Variants in ARMC2 observed in about 807,000 individuals in gnomAD.
ARMC2 encodes the protein armadillo repeat-containing protein 2.
In ARMC2, 67 loss-of-function variants were observed where a neutral mutation model predicts 90.3. The ratio of observed to expected loss-of-function variants is 0.74; its 90% CI spans 0.61 to 0.91. The LOEUF (loss-of-function observed/expected upper bound fraction) is 0.91. ARMC2 is among the 40% of genes least tolerant of loss of function. The probability of loss-of-function intolerance (pLI) is 0.00; values close to 1 mark genes in which losing one functional copy is unlikely to be tolerated. For synonymous variants in ARMC2, 393 were observed against 393.0 expected, an observed-to-expected ratio of 1.00 and a Z score of 0.00; for missense variants, 920 against 1,030.9, an observed-to-expected ratio of 0.89 and a Z score of 1.47.
the ARMC2 span, among the ~76,000 whole-genome samples, chr6:109,022,057 T>G: frequency 1.3e-5 from 2 of 152,138 alleles, no homozygotes; most frequent in East Asian, 1.9e-4. Flanking sequence ...GCATTTTTTT[T>G]TTTCCTTCCC....
At chr6:109,008,213 AG>A in the ARMC2 span, among the ~76,000 whole-genome samples, 1 of 152,230 alleles carries the variant, frequency 6.6e-6, no homozygotes, top group Non-Finnish European at 1.5e-5. Context: ...CACAAACATC[AG>A]CAGAAATAAC....
chr6:108,947,326 A>G (rs1321709887), intron 12 of ARMC2, among the ~76,000 whole-genome samples: 2 of 152,230 alleles, frequency 1.3e-5, no homozygotes, highest in Non-Finnish European at 2.9e-5. Context: ...CTGTGTGTAC[A>G]GAGATGATTG....
At chr6:109,044,311 C>CCAAAAAA in the ARMC2 span, among the ~76,000 whole-genome samples, 1 of 28,472 alleles carries the variant, frequency 3.5e-5, no homozygotes, top group African/African-American at 2.0e-4. Flanking sequence ...GAACTTGCCT[C>CCAAAAAA]AAAAAAAAAA....
At chr6:109,026,647 G>T in the ARMC2 span, among the ~76,000 whole-genome samples, 6 of 152,168 alleles carry the variant, frequency 3.9e-5, 1 homozygote, top group South Asian at 1.2e-3. Flanking sequence ...TAGGACTACA[G>T]GCGTGCGCCA....
chr6:108,970,503 T>TC (rs1333223775), intron 17 of ARMC2, among the ~76,000 whole-genome samples: 1 of 144,740 alleles, frequency 6.9e-6, no homozygotes, highest in Non-Finnish European at 1.5e-5. Flanking sequence ...TCTTTTTTTT[T>TC]TTTTTTTTTT....
At chr6:108,857,415 T>C (rs1306538486) in intron 2 of ARMC2, among the ~76,000 whole-genome samples, 1 of 152,252 alleles carries the variant, frequency 6.6e-6, no homozygotes, top group East Asian at 1.9e-4. Context: ...GAGCTTTTTG[T>C]CAGCTCTTTA....
the ARMC2 span, among the ~76,000 whole-genome samples, chr6:109,048,848 A>G: frequency 1.3e-5 from 2 of 152,200 alleles, no homozygotes; most frequent in African/African-American, 2.4e-5. Context: ...GGATATGGCC[A>G]TATATCACAG....
At chr6:108,849,532 TAAAA>T (rs962738344) in intron 1 of ARMC2, among the ~76,000 whole-genome samples, 3 of 151,752 alleles carry the variant, frequency 2.0e-5, no homozygotes, top group African/African-American at 7.3e-5. Context: ...AGTATAATAA[TAAAA>T]AAAAACTTAT....
intron 4 of ARMC2, among the ~76,000 whole-genome samples, chr6:108,873,616 C>G (rs1411781350): frequency 6.6e-6 from 1 of 152,240 alleles, no homozygotes; most frequent in Non-Finnish European, 1.5e-5. Context: ...ATAGCCACAG[C>G]AGAGCCTTAA....
chr6:108,865,843 C>T (rs1328042571), intron 3 of ARMC2, among the ~76,000 whole-genome samples: 1 of 151,910 alleles, frequency 6.6e-6, no homozygotes, highest in Non-Finnish European at 1.5e-5. Flanking sequence ...CATAGGGAGA[C>T]CCTGTCTCTA....
At chr6:108,927,726 G>T (rs1217700614) in intron 10 of ARMC2, among the ~76,000 whole-genome samples, 1 of 150,328 alleles carries the variant, frequency 6.7e-6, no homozygotes, top group Non-Finnish European at 1.5e-5. Flanking sequence ...AAAAAAGAAA[G>T]AAAAACATAG....
the ARMC2 span, among the ~76,000 whole-genome samples, chr6:109,041,343 T>A: frequency 6.6e-6 from 1 of 151,798 alleles, no homozygotes; most frequent in Non-Finnish European, 1.5e-5. Flanking sequence ...AAAATAAAAT[T>A]GCAACATAAA....
intron 1 of ARMC2, among the ~76,000 whole-genome samples, chr6:108,851,452 G>A (rs1774004152): frequency 6.6e-6 from 1 of 152,108 alleles, no homozygotes; most frequent in South Asian, 2.1e-4. Context: ...TATAAGCAGG[G>A]TAAATACTCA....
chr6:108,962,980 C>G (rs1042909281), intron 15 of ARMC2, among the ~76,000 whole-genome samples: 2 of 151,848 alleles, frequency 1.3e-5, no homozygotes, highest in East Asian at 1.9e-4. Flanking sequence ...GGCTGGGAGA[C>G]AGAGCGACAC....
chr6:108,980,413 T>C, the ARMC2 span, among the ~76,000 whole-genome samples: 1 of 151,460 alleles, frequency 6.6e-6, no homozygotes, highest in Non-Finnish European at 1.5e-5. Flanking sequence ...CTCTCCCGTA[T>C]GAAGTATCTG....
chr6:108,990,751 T>C, the ARMC2 span: 3 of 1,614,138 alleles, frequency 1.9e-6, no homozygotes, highest in South Asian at 3.3e-5. Flanking sequence ...TTGTAAGCAA[T>C]GTGAAATTTT....
intron 2 of ARMC2, among the ~76,000 whole-genome samples, chr6:108,855,986 C>G (rs779926442): frequency 6.6e-6 from 1 of 152,180 alleles, no homozygotes; most frequent in Non-Finnish European, 1.5e-5. Context: ...CAAATGTTGT[C>G]TCCTGCTCTG....
At position 108,913,531 on chromosome 6, in the gene ARMC2, T is replaced by G. The variant is rs115940575; in HGVS notation, c.1350+973T>G. On this transcript the variant is annotated intron_variant, in intron 10 of 17. Transcript: ENST00000392644. ...TTTCCATGCTCCCAGTGTTATCGAA[T>G]CATTTAATTTTTTCCCTCAATGAAA... Among the ~76,000 whole-genome samples, 66 of 152,318 alleles carry G rather than the reference T, an allele frequency of 4.3e-4. 1 individual carries two copies. The highest frequency in any genetic ancestry group is 1.6e-3 in the African/African-American group (65 of 41,566).
chr6:108,926,071 C>T (rs1393009680), intron 10 of ARMC2, among the ~76,000 whole-genome samples: 1 of 152,168 alleles, frequency 6.6e-6, no homozygotes, highest in African/African-American at 2.4e-5. Flanking sequence ...ATGGTCCTTT[C>T]TGCTGGCAAT....
Sources: allele counts gnomAD v4.1 joint callset (sites outside exome capture counted in the v4.1 genomes callset), GRCh38; gene constraint gnomAD v4.1.1; transcripts MANE v1.5; gene names NCBI Gene and HGNC (gene_info 2026-07-23, HGNC 2026-07-21).